GPATCH2: variants seen among roughly 807,000 people sequenced by gnomAD.
The protein encoded by GPATCH2 is G patch domain-containing protein 2.
A neutral mutation model predicts 58.0 loss-of-function variants in GPATCH2; 51 were observed. That is an observed-to-expected ratio of 0.88 (90% CI 0.70 to 1.11). The LOEUF (loss-of-function observed/expected upper bound fraction) is 1.11. Ranked by LOEUF, GPATCH2 falls within the 50% of genes most tolerant of loss-of-function variation. GPATCH2 has a pLI of 0.00. For missense variants in GPATCH2, 625 were observed against 652.2 expected, an observed-to-expected ratio of 0.96 and a Z score of 0.45; for synonymous variants, 222 against 218.5, an observed-to-expected ratio of 1.02 and a Z score of -0.14.
At chr1:217,437,873 C>A (rs1167973947) in intron 9 of GPATCH2, among the ~76,000 whole-genome samples, 1 of 152,210 alleles carries the variant, frequency 6.6e-6, no homozygotes, top group Non-Finnish European at 1.5e-5. Context: ...CAGCACAGCG[C>A]TTGAGCTCTG....
chr1:217,463,640 CCAAAAAAAAAAAAAAA>C (rs1558410147), intron 8 of GPATCH2, among the ~76,000 whole-genome samples: 2 of 36,754 alleles, frequency 5.4e-5, no homozygotes, highest in South Asian at 9.6e-4. Flanking sequence ...ACTTATCACT[CCAAAAAAAAAAAAAAA>C]AAAAAAAAAA....
chr1:217,475,303 G>A (rs909734078), intron 8 of GPATCH2, among the ~76,000 whole-genome samples: 6 of 152,140 alleles, frequency 3.9e-5, no homozygotes, highest in Non-Finnish European at 8.8e-5. Flanking sequence ...GCTGGATGTG[G>A]TGGCAGATGC....
At chr1:217,618,338 T>G (rs954517605) in intron 2 of GPATCH2, among the ~76,000 whole-genome samples, 2 of 150,846 alleles carry the variant, frequency 1.3e-5, no homozygotes, top group African/African-American at 4.9e-5. Flanking sequence ...GCCTCCTGAG[T>G]AGCTGGGACT....
intron 5 of GPATCH2, among the ~76,000 whole-genome samples, chr1:217,530,623 A>G (rs1664140688): frequency 6.6e-6 from 1 of 152,192 alleles, no homozygotes; most frequent in Non-Finnish European, 1.5e-5. Flanking sequence ...CACTTCTTTC[A>G]GTGAATTAAC....
chr1:217,558,907 C>G (rs1665783038), intron 5 of GPATCH2, among the ~76,000 whole-genome samples: 1 of 152,184 alleles, frequency 6.6e-6, no homozygotes, highest in East Asian at 1.9e-4. Context: ...TCCAACTATA[C>G]TTGGTAGGCA....
chr1:217,574,278 T>C (rs541694398), intron 5 of GPATCH2, among the ~76,000 whole-genome samples: 1 of 152,310 alleles, frequency 6.6e-6, no homozygotes, highest in African/African-American at 2.4e-5. Context: ...ATTTTCTTAA[T>C]GGTCTACTTT....
chr1:217,530,177 T>A (rs1289640071), intron 5 of GPATCH2, among the ~76,000 whole-genome samples: 1 of 152,196 alleles, frequency 6.6e-6, no homozygotes, highest in Non-Finnish European at 1.5e-5. Context: ...CTGAAATTTG[T>A]GGATTTCATC....
At chr1:217,486,516 A>G (rs1661460555) in intron 8 of GPATCH2, among the ~76,000 whole-genome samples, 1 of 152,100 alleles carries the variant, frequency 6.6e-6, no homozygotes, top group Admixed American at 6.6e-5. Flanking sequence ...AATGTTTTAT[A>G]GAGACAGAGT....
chr1:217,489,858 G>T (rs570511280), intron 8 of GPATCH2, among the ~76,000 whole-genome samples: 1 of 152,092 alleles, frequency 6.6e-6, no homozygotes, highest in African/African-American at 2.4e-5. Context: ...GAGAAACTCC[G>T]TCTCAAATAA....
At chr1:217,534,386 T>C (rs1475279560) in intron 5 of GPATCH2, among the ~76,000 whole-genome samples, 1 of 152,170 alleles carries the variant, frequency 6.6e-6, no homozygotes, top group African/African-American at 2.4e-5. Context: ...CACTAGACTG[T>C]AATTTAATCT....
intron 5 of GPATCH2, among the ~76,000 whole-genome samples, chr1:217,554,524 C>T (rs1241871888): frequency 6.6e-6 from 1 of 152,152 alleles, no homozygotes; most frequent in African/African-American, 2.4e-5. Context: ...AAAACTGCCA[C>T]AATTTGAACA....
intron 5 of GPATCH2, among the ~76,000 whole-genome samples, chr1:217,524,508 G>A (rs1377414414): frequency 1.3e-5 from 2 of 151,924 alleles, no homozygotes; most frequent in Non-Finnish European, 2.9e-5. Context: ...GCCAAGGCAG[G>A]CTGCTGGGAG....
intron 5 of GPATCH2, among the ~76,000 whole-genome samples, chr1:217,566,342 G>T (rs1666233594): frequency 6.6e-6 from 1 of 152,042 alleles, no homozygotes; most frequent in Non-Finnish European, 1.5e-5. Flanking sequence ...CTTACCAATT[G>T]AATATTCATC....
At chr1:217,613,282 T>C (rs1416729503) in intron 3 of GPATCH2, among the ~76,000 whole-genome samples, 5 of 152,132 alleles carry the variant, frequency 3.3e-5, no homozygotes, top group African/African-American at 1.2e-4. Flanking sequence ...ATGTTTTTTG[T>C]ACTGCCAAAA....
rs1232323416 is a variant in GPATCH2, at chr1:217,523,890, C to T, written c.1099-9001G>A. ...CTCCCTCCCGGATGGGGCGGCTGGC[C>T]GGGCGGGGGGCTGACCCCCACACCT... On this transcript the variant is annotated intron_variant, in intron 5 of 9. Coordinates refer to ENST00000366935, the MANE Select transcript of GPATCH2 (RefSeq NM_018040.5). 7.9e-5 allele frequency among the ~76,000 whole-genome samples: 9 copies of T among 113,882 alleles called. 1 individual carries two copies. In the South Asian group the frequency reaches 8.0e-4, roughly 10 times the overall value. The allele number at this position is 113,882 out of a possible 152,430, so 74.7% of individuals were successfully genotyped here.
In GPATCH2 at chr1:217,429,170, C is replaced by G. The variant is rs918063155; in HGVS notation, c.*1975G>C. ...ACACTATCACAAAGAAGTTTTAAAA[C>G]TTGTATATAATCTCCCCCCGGCTAC... On this transcript the variant is annotated 3_prime_UTR_variant, in exon 10 of 10. Coordinates refer to ENST00000366935, the MANE Select transcript of GPATCH2 (RefSeq NM_018040.5). 8 of 152,052 alleles carry G rather than the reference C, an allele frequency of 5.3e-5. No homozygotes were observed. Among genetic ancestry groups the G allele is most frequent in the African/African-American group, 1.9e-4 (8 of 41,394 alleles). The allele number at this position is 152,052 out of a possible 1,614,324, so 9.4% of individuals were successfully genotyped here.
At chr1:217,470,581 C>A (rs1660681592) in intron 8 of GPATCH2, among the ~76,000 whole-genome samples, 1 of 152,082 alleles carries the variant, frequency 6.6e-6, no homozygotes, top group South Asian at 2.1e-4. Context: ...AAATAACCCT[C>A]TATGATCATT....
At chr1:217,551,814 G>T (rs546013371) in intron 5 of GPATCH2, among the ~76,000 whole-genome samples, 2 of 152,218 alleles carry the variant, frequency 1.3e-5, no homozygotes, top group African/African-American at 4.8e-5. Flanking sequence ...GTTTAGAGGG[G>T]TTATGGAACT....
At chr1:217,471,293 A>G (rs1199021632) in intron 8 of GPATCH2, among the ~76,000 whole-genome samples, 1 of 152,146 alleles carries the variant, frequency 6.6e-6, no homozygotes, top group African/African-American at 2.4e-5. Flanking sequence ...GCAGCATTAA[A>G]CAAATATAGC....
Sources: allele counts gnomAD v4.1 joint callset (sites outside exome capture counted in the v4.1 genomes callset), GRCh38; gene constraint gnomAD v4.1.1; transcripts MANE v1.5; gene names NCBI Gene and HGNC (gene_info 2026-07-23, HGNC 2026-07-21).